Variants in ARID1B observed in about 807,000 individuals in gnomAD.
ARID1B encodes the protein AT-rich interaction domain 1B, also known as AT-rich interactive domain-containing protein 1B.
In ARID1B, 30 loss-of-function variants were observed where a neutral mutation model predicts 212.3. That is an observed-to-expected ratio of 0.14 (90% CI 0.11 to 0.19). ARID1B has a LOEUF of 0.19. Ranked by LOEUF, ARID1B falls within the 10% of genes least tolerant of loss-of-function variation. The pLI is 1.00. For missense variants in ARID1B, 2,891 were observed against 3,204.0 expected (o/e 0.90, Z 2.36); for synonymous variants, 1,402 against 1,301.7 (o/e 1.08, Z -1.66).
chr6:156,813,015 C>T (rs1231470550), intron 1 of ARID1B, among the ~76,000 whole-genome samples: 2 of 140,680 alleles, frequency 1.4e-5, no homozygotes, highest in South Asian at 2.2e-4. Context: ...TATATATACA[C>T]ATACGTATGT....
intron 1 of ARID1B, among the ~76,000 whole-genome samples, chr6:156,789,459 G>A (rs774596622): frequency 6.6e-6 from 1 of 152,090 alleles, no homozygotes; most frequent in Non-Finnish European, 1.5e-5. Context: ...TGGGTGATGG[G>A]ATTCTTTGGT....
At chr6:156,956,011 C>T (rs1239478893) in intron 4 of ARID1B, among the ~76,000 whole-genome samples, 1 of 152,136 alleles carries the variant, frequency 6.6e-6, no homozygotes, top group Non-Finnish European at 1.5e-5. Flanking sequence ...GACAGCCGTC[C>T]AGGACTGCTG....
intron 2 of ARID1B, among the ~76,000 whole-genome samples, chr6:156,837,808 G>GA (rs768007919): frequency 2.0e-4 from 31 of 152,208 alleles, no homozygotes; most frequent in Non-Finnish European, 3.2e-4. Flanking sequence ...CTCCTCCGCA[G>GA]AGCCAGAGAG....
chr6:157,008,935 G>A (rs1779402591), intron 4 of ARID1B, among the ~76,000 whole-genome samples: 1 of 152,076 alleles, frequency 6.6e-6, no homozygotes, highest in South Asian at 2.1e-4. Flanking sequence ...AAGATGTTTG[G>A]GCTTCCTTTA....
chr6:156,865,288 A>G (rs1033803071), intron 2 of ARID1B, among the ~76,000 whole-genome samples: 7 of 152,274 alleles, frequency 4.6e-5, no homozygotes, highest in Admixed American at 2.6e-4. Context: ...AAGATCTCAC[A>G]TGTCTGAAAA....
intron 2 of ARID1B, among the ~76,000 whole-genome samples, chr6:156,891,423 T>G (rs1787912946): frequency 1.3e-5 from 2 of 151,904 alleles, no homozygotes; most frequent in African/African-American, 2.4e-5. Context: ...TTGATAACTC[T>G]TAGACAGCAG....
chr6:156,895,288 G>C (rs1469356176), intron 2 of ARID1B, among the ~76,000 whole-genome samples: 1 of 152,204 alleles, frequency 6.6e-6, no homozygotes, highest in Non-Finnish European at 1.5e-5. Context: ...CTGTCTGTTA[G>C]AGGTTCACCA....
chr6:156,959,925 CTTTTTTTTT>C (rs138881152), intron 4 of ARID1B, among the ~76,000 whole-genome samples: 2 of 122,576 alleles, frequency 1.6e-5, no homozygotes, highest in African/African-American at 6.2e-5. Context: ...TTGTCAGCTT[CTTTTTTTTT>C]TTTTTTTTTT....
At chr6:156,941,054 C>T (rs1282039938) in intron 4 of ARID1B, 2 of 152,136 alleles carry the variant, frequency 1.3e-5, no homozygotes, top group Non-Finnish European at 2.9e-5. Flanking sequence ...CTTCTCAAAT[C>T]CTTATGAACA....
At chr6:156,989,004 T>C (rs17087983) in intron 4 of ARID1B, among the ~76,000 whole-genome samples, 4,080 of 152,314 alleles carry the variant, frequency 0.027, 263 homozygotes, top group East Asian at 0.25. Flanking sequence ...TAAGGCCATG[T>C]TGTCACAGGG....
At chr6:156,786,164 C>T (rs1779614417) in intron 1 of ARID1B, among the ~76,000 whole-genome samples, 1 of 151,876 alleles carries the variant, frequency 6.6e-6, no homozygotes, top group Admixed American at 6.6e-5. Context: ...TTTTATTTTC[C>T]CACTATTAGT....
At chr6:157,182,641 G>T (rs943195305) in intron 12 of ARID1B, among the ~76,000 whole-genome samples, 33 of 152,322 alleles carry the variant, frequency 2.2e-4, no homozygotes, top group African/African-American at 7.7e-4. Flanking sequence ...TTTGTGCTTA[G>T]CCTTCCCACT....
intron 4 of ARID1B, among the ~76,000 whole-genome samples, chr6:157,014,130 C>T (rs1339482276): frequency 6.6e-6 from 1 of 152,164 alleles, no homozygotes; most frequent in African/African-American, 2.4e-5. Flanking sequence ...ATCGTAGATG[C>T]TACTGAGGGA....
At chr6:156,920,932 A>G (rs1376371355) in intron 3 of ARID1B, among the ~76,000 whole-genome samples, 5 of 151,024 alleles carry the variant, frequency 3.3e-5, no homozygotes, top group Non-Finnish European at 7.4e-5. Context: ...TCAGCTCACC[A>G]CAACCTCCGC....
intron 2 of ARID1B, among the ~76,000 whole-genome samples, chr6:156,881,850 T>C (rs1192426383): frequency 2.0e-5 from 3 of 152,206 alleles, no homozygotes; most frequent in South Asian, 4.1e-4. Flanking sequence ...TGAGGAGGCA[T>C]CCTGAAGGCT....
chr6:156,848,080 T>C (rs1784343047), intron 2 of ARID1B, among the ~76,000 whole-genome samples: 1 of 152,192 alleles, frequency 6.6e-6, no homozygotes, highest in African/African-American at 2.4e-5. Flanking sequence ...AGGCAGAAAA[T>C]ATAACTAATG....
intron 14 of ARID1B, 72 bp from the exon 15 acceptor site, chr6:157,189,966 C>A: frequency 6.3e-7 from 1 of 1,587,692 alleles, no homozygotes; most frequent in East Asian, 2.2e-5. Context: ...AAGATGGGTT[C>A]ATCTTCTGAA....
chr6:157,015,558 T>G (rs1779875861), intron 4 of ARID1B, among the ~76,000 whole-genome samples: 1 of 152,190 alleles, frequency 6.6e-6, no homozygotes, highest in Non-Finnish European at 1.5e-5. Context: ...GAAGACTGTC[T>G]CTGATAGATC....
intron 4 of ARID1B, among the ~76,000 whole-genome samples, chr6:156,949,712 A>G (rs1793437396): frequency 6.6e-6 from 1 of 152,208 alleles, no homozygotes; most frequent in African/African-American, 2.4e-5. Context: ...TTCTGCATCC[A>G]TTTTATTTCA....
Sources: gnomAD v4.1 joint callset for allele counts (sites outside exome capture counted in the v4.1 genomes callset) on GRCh38, gnomAD v4.1.1 for gene constraint, MANE v1.5 for transcripts, NCBI Gene and HGNC (gene_info 2026-07-23, HGNC 2026-07-21) for gene names.